Variants in CAPS observed in about 807,000 individuals in gnomAD.
CAPS encodes the protein calcyphosin.
Under a neutral mutation model 15.5 loss-of-function variants are expected in CAPS, and 16 were observed. The ratio of observed to expected loss-of-function variants is 1.03; its 90% confidence interval spans 0.70 to 1.57. CAPS has a LOEUF of 1.57. Among genes scored for constraint, CAPS ranks in the 40% most tolerant of loss-of-function variants. The pLI is 0.00. For missense variants in CAPS, 294 were observed against 278.4 expected, an observed-to-expected ratio of 1.06 and a Z score of -0.40; for synonymous variants, 121 against 116.0, an observed-to-expected ratio of 1.04 and a Z score of -0.28.
rs1334493626 is a variant in CAPS at position 5,915,977 on chromosome 19, G to A, written c.*655G>A. On this transcript the variant is annotated 3_prime_UTR_variant, in exon 5 of 5. Transcript: ENST00000588776. ...TGCAGCAGGGGTGGGGGTAAAGTGC[G>A]GGTGGTGGTGGAGAGAACAGGGCTG... is the stretch of plus-strand genomic sequence containing the variant. 5 of 152,806 alleles carry A rather than the reference G, an allele frequency of 3.3e-5. No individual in the cohort carries two copies. Among genetic ancestry groups the A allele is most frequent in the Admixed American group, 2.6e-4 (4 of 15,348 alleles). 9.5% of individuals were successfully genotyped at this position (152,806 alleles called of 1,614,324 possible).
rs1307183296 is a variant in CAPS, at chr19:5,915,039, G to T, written c.361G>T (p.Val121Leu). 2.5e-6 allele frequency: 4 copies of T among 1,612,728 alleles called. No homozygotes were observed. The highest frequency in any genetic ancestry group is 3.4e-6 in the Non-Finnish European group (4 of 1,179,922). ...GVVTVDDLRGVYSGRAHPKVR... is the reference protein window; with the variant it reads ...GVVTVDDLRGLYSGRAHPKVR... ...CGTGACGGTGGACGACCTCCGCGGG[G>T]TGTACAGTGGCCGTGCCCACCCCAA... is the stretch of plus-strand genomic sequence containing the variant. Residue 121 changes from valine to leucine, a missense_variant, in exon 4 of 5, where the codon GTG becomes TTG. Coordinates refer to ENST00000588776, the MANE Select transcript of CAPS (RefSeq NM_004058.5).
Position 5,915,151 on chromosome 19 carries a change from G to A in CAPS, c.468+5G>A, listed in dbSNP as rs1391817700. On this transcript the variant is annotated splice_donor_5th_base_variant and intron_variant, in intron 4 of 4. Transcript: ENST00000588776. Reference sequence around the variant, plus strand: ...TCCTCTGAGAAGGACGGGCAGGTGGGTGGCTGCGCGGGGGGCCCCCTCCCC... The same window carrying A: ...TCCTCTGAGAAGGACGGGCAGGTGGATGGCTGCGCGGGGGGCCCCCTCCCC... 1 of 1,612,692 alleles carries A rather than the reference G, an allele frequency of 6.2e-7. No individual in the cohort carries two copies. The highest frequency in any genetic ancestry group is 8.5e-7 in the Non-Finnish European group (1 of 1,179,618).
chr19:5,914,957 C>T lies in CAPS; in HGVS notation c.279C>T (p.Ala93=), dbSNP rs1568438304. Residue 93 remains alanine (A), a synonymous_variant, in exon 4 of 5, where the codon GCC becomes GCT. Coordinates refer to ENST00000588776, the MANE Select transcript of CAPS (RefSeq NM_004058.5). ...TGTCCCAGCCCCCCATGTCCCAGGC[C>T]CGGGAGGCTGTCATCGCAGCTGCAT... ...LRALRPPMSQ[A]REAVIAAAFA... The T allele has an allele frequency of 6.2e-7, 1 of 1,606,144 alleles. No homozygotes were observed. The highest frequency in any genetic ancestry group is 2.2e-5 in the East Asian group (1 of 44,864).
chr19:5,914,596 A>ATGAG lies in CAPS; in HGVS notation c.118_119insGAGT (p.Ser40Ter), dbSNP rs749684260. The ATGAG allele has an allele frequency of 3.7e-6, 6 of 1,612,480 alleles. No homozygotes were observed. Among genetic ancestry groups the ATGAG allele is most frequent in the Admixed American group, 1.7e-5 (1 of 59,936 alleles). ...GCCAACTAGACCGGGACGGGAGCAG[A>ATGAG]TCCCTGGACGCTGATGAGTTCCGGC... On this transcript the variant is annotated stop_gained and frameshift_variant, in exon 3 of 5. Transcript: ENST00000588776. LOFTEE classifies it high-confidence loss of function.
chr19:5,915,080 G>A lies in CAPS; in HGVS notation c.402G>A (p.Glu134=). ...GRAHPKVRSG[E]WTEDEVLRRF... is the part of the protein sequence containing the mutation. ...CCCACCCCAAGGTGCGCAGTGGGGAGTGGACCGAGGACGAGGTGCTGCGCC... is the reference window on the plus strand; with the variant it reads ...CCCACCCCAAGGTGCGCAGTGGGGAATGGACCGAGGACGAGGTGCTGCGCC... The change falls in exon 4 of 5, where the codon GAG becomes GAA. Residue 134 remains glutamate (E), a synonymous_variant. Transcript: ENST00000588776. 1.2e-6 allele frequency: 2 copies of A among 1,613,220 alleles called. No individual in the cohort carries two copies. Among genetic ancestry groups the A allele is most frequent in the Middle Eastern group, 1.6e-4 (1 of 6,062 alleles).
rs781381151 is a variant in CAPS, at chr19:5,914,484, G to GGCCA, written c.80_83dup (p.Arg28SerfsTer18). 1 of 1,610,908 alleles carries GGCCA rather than the reference G, an allele frequency of 6.2e-7. No individual in the cohort carries two copies. The highest frequency in any genetic ancestry group is 1.7e-5 in the Admixed American group (1 of 59,942). On this transcript the variant is annotated frameshift_variant, in exon 2 of 5. Coordinates refer to ENST00000588776, the MANE Select transcript of CAPS (RefSeq NM_004058.5). LOFTEE classifies it high-confidence loss of function. ...GCGGGGCCTCGGGCATCCAGGGCCT[G>GGCCA]GCCAGGTGAGCTGTCCCCTCTCACC...
Position 5,914,712 on chromosome 19 carries a change from A to G in CAPS, c.233A>G (p.Asp78Gly). 1 of 1,613,174 alleles carries G rather than the reference A, an allele frequency of 6.2e-7. No individual in the cohort carries two copies. Among genetic ancestry groups the G allele is most frequent in the Non-Finnish European group, 8.5e-7 (1 of 1,179,642 alleles). Residue 78 changes from aspartate to glycine, a missense_variant, in exon 3 of 5, where the codon GAT (aspartate) becomes GGT (glycine). Transcript: ENST00000588776. ...KWDRNGSGTL[D>G]LEEFLRALRP... ...GACCGCAATGGCAGCGGGACGCTGG[A>G]TCTGGAGGAGTTCCTTCGGGCGCTG...
rs779224461 is a variant in CAPS at position 5,914,687 on chromosome 19, G to C, written c.208G>C (p.Asp70His). Residue 70 changes from aspartate (D) to histidine (H), a missense_variant, in exon 3 of 5, where the codon GAC (aspartate) becomes CAC (histidine). Coordinates refer to ENST00000588776, the MANE Select transcript of CAPS (RefSeq NM_004058.5). ...GGCAGAGGGTGTGTGCAGGAAGTGG[G>C]ACCGCAATGGCAGCGGGACGCTGGA... is the stretch of plus-strand genomic sequence containing the variant. Reference protein sequence around the residue: ...AEAEGVCRKWDRNGSGTLDLE... With the variant: ...AEAEGVCRKWHRNGSGTLDLE... 3 of 1,613,964 alleles carry C rather than the reference G, an allele frequency of 1.9e-6. No individual in the cohort carries two copies. In the Admixed American group the frequency reaches 5.0e-5, roughly 27 times the overall value.
In CAPS at chr19:5,914,929, TCCTGTCCCAGCCCCC is replaced by T; in HGVS notation, c.262-9_267del. 6.3e-7 allele frequency: 1 copy of T among 1,598,618 alleles called. No homozygotes were observed. The highest frequency in any genetic ancestry group is 1.3e-5 in the African/African-American group (1 of 74,976). ...CTACCCACCACCCCCAGTCACCACC[TCCTGTCCCAGCCCCC>T]CATGTCCCAGGCCCGGGAGGCTGTC... On this transcript the variant is annotated splice_acceptor_variant and splice_polypyrimidine_tract_variant and coding_sequence_variant and intron_variant, in exon 4 of 5. Coordinates refer to ENST00000588776, the MANE Select transcript of CAPS (RefSeq NM_004058.5). LOFTEE classifies it high-confidence loss of function.
In CAPS at chr19:5,914,278, G is replaced by A. The variant is rs754746273; in HGVS notation, c.-54G>A. On this transcript the variant is annotated 5_prime_UTR_variant, in exon 1 of 5. Transcript: ENST00000588776. ...CACAACACAGCTAACACAAGGCCCC[G>A]CAGGCAGGACTCTGGGACAGACGCA... 1.5e-5 allele frequency: 23 copies of A among 1,574,760 alleles called. No individual in the cohort carries two copies. In the African/African-American group the frequency reaches 1.9e-4, roughly 13 times the overall value.
rs1568438120 is a variant in CAPS, at chr19:5,914,755, C to A, written c.261+15C>A. On this transcript the variant is annotated intron_variant, in intron 3 of 4. Coordinates refer to ENST00000588776, the MANE Select transcript of CAPS (RefSeq NM_004058.5). ...GGGCGCTGCGGGTGAGCCCCCACCT[C>A]ACAGTCAAGGCGTGTGCCCTGGGCA... The A allele has an allele frequency of 6.2e-7, 1 of 1,600,558 alleles. No individual in the cohort carries two copies. The highest frequency in any genetic ancestry group is 1.1e-5 in the South Asian group (1 of 88,910).
chr19:5,915,565 A>C lies in CAPS; in HGVS notation c.*243A>C. ...CCAGGGAGAAACGCTCTCCCCACCC[A>C]CGCCATGCTGACCAGAGATCTTGCA... On this transcript the variant is annotated 3_prime_UTR_variant, in exon 5 of 5. Transcript: ENST00000588776. 8.2e-6 allele frequency: 4 copies of C among 489,580 alleles called. No homozygotes were observed. Among genetic ancestry groups the C allele is most frequent in the South Asian group, 2.7e-5 (1 of 36,364 alleles). The allele number at this position is 489,580 out of a possible 1,614,324, so 30.3% of individuals were successfully genotyped here.
Position 5,915,160 on chromosome 19 carries a change from CG to C in CAPS, c.468+20del, listed in dbSNP as rs757257950. ...AAGGACGGGCAGGTGGGTGGCTGCG[CG>C]GGGGGCCCCCTCCCCAGGCAGTTCC... On this transcript the variant is annotated intron_variant, in intron 4 of 4. Coordinates refer to ENST00000588776, the MANE Select transcript of CAPS (RefSeq NM_004058.5). The C allele has an allele frequency of 9.3e-6, 15 of 1,611,966 alleles. No individual in the cohort carries two copies. In the East Asian group the frequency reaches 1.6e-4, roughly 17 times the overall value.
rs536424710 is a variant in CAPS at position 5,914,412 on chromosome 19, C to T, written c.6C>T (p.Asp2=). 6.8e-6 allele frequency: 11 copies of T among 1,613,158 alleles called. No homozygotes were observed. The highest frequency in any genetic ancestry group is 4.4e-5 in the South Asian group (4 of 91,064). The change falls in exon 2 of 5, where the codon GAC becomes GAT. Residue 2 remains aspartate, a synonymous_variant. Transcript: ENST00000588776. ...GCCCAGAGCCCAGACCAAGCATGGA[C>T]GCCGTGGATGCCACCATGGAGAAAC... M[D]AVDATMEKLR... is the part of the protein sequence containing the mutation.
chr19:5,915,365 A>G lies in CAPS; in HGVS notation c.*43A>G. 7.0e-7 allele frequency: 1 copy of G among 1,426,134 alleles called. No homozygotes were observed. The highest frequency in any genetic ancestry group is 9.6e-7 in the Non-Finnish European group (1 of 1,043,286). 88.3% of individuals were successfully genotyped at this position (1,426,134 alleles called of 1,614,324 possible). On this transcript the variant is annotated 3_prime_UTR_variant, in exon 5 of 5. Transcript: ENST00000588776. ...CTGCTGCCCTGGCCTGTCACTCCCC[A>G]CCCCTGCCGGAGACCTCCCTTCCCT...
Position 5,915,238 on chromosome 19 carries a change from C to A in CAPS, c.486C>A (p.Phe162Leu). 2 of 1,612,914 alleles carry A rather than the reference C, an allele frequency of 1.2e-6. No individual in the cohort carries two copies. Among genetic ancestry groups the A allele is most frequent in the Non-Finnish European group, 1.7e-6 (2 of 1,179,826 alleles). Residue 162 changes from phenylalanine to leucine, a missense_variant, in exon 5 of 5, where the codon TTC (phenylalanine) becomes TTA (leucine). Physicochemically the swap from Phe to Leu is conservative, Grantham distance 22 (BLOSUM62 0). Coordinates refer to ENST00000588776, the MANE Select transcript of CAPS (RefSeq NM_004058.5). The part of the protein sequence containing the change: ...EKDGQVTLAE[F>L]QDYYSGVSAS... ...GTTCCCAGGTCACACTGGCGGAATT[C>A]CAGGACTACTACAGCGGCGTGAGTG...
chr19:5,914,405 G>A lies in CAPS; in HGVS notation c.-2G>A, dbSNP rs772501039. On this transcript the variant is annotated 5_prime_UTR_variant, in exon 2 of 5. Coordinates refer to ENST00000588776, the MANE Select transcript of CAPS (RefSeq NM_004058.5). ...TCCAGCTGCCCAGAGCCCAGACCAA[G>A]CATGGACGCCGTGGATGCCACCATG... is the stretch of plus-strand genomic sequence containing the variant. 10 of 1,613,068 alleles carry A rather than the reference G, an allele frequency of 6.2e-6. No homozygotes were observed. The East Asian group carries it at 1.3e-4, about 22-fold the overall frequency.
At position 5,915,330 on chromosome 19, in the gene CAPS, C is replaced by T. The variant is rs543355411; in HGVS notation, c.*8C>T. 32 of 1,592,506 alleles carry T rather than the reference C, an allele frequency of 2.0e-5. No homozygotes were observed. Among genetic ancestry groups the T allele is most frequent in the Admixed American group, 1.5e-4 (9 of 59,184 alleles). On this transcript the variant is annotated 3_prime_UTR_variant, in exon 5 of 5. Transcript: ENST00000588776. ...AGTGCCTGGCAGCTGTGAGCAGCTC[C>T]GGCTCAGCCCTGCTGCCCTGGCCTG...
In CAPS at chr19:5,915,571, T is replaced by C. The variant is rs1369541032; in HGVS notation, c.*249T>C. ...AGAAACGCTCTCCCCACCCACGCCA[T>C]GCTGACCAGAGATCTTGCAGCCCCT... On this transcript the variant is annotated 3_prime_UTR_variant, in exon 5 of 5. Transcript: ENST00000588776. 4 of 489,684 alleles carry C rather than the reference T, an allele frequency of 8.2e-6. No homozygotes were observed. The highest frequency in any genetic ancestry group is 1.1e-5 in the Non-Finnish European group (3 of 271,748). The allele number at this position is 489,684 out of a possible 1,614,324, so 30.3% of individuals were successfully genotyped here.
Sources: allele counts gnomAD v4.1 joint callset, GRCh38; gene constraint gnomAD v4.1.1; transcripts MANE v1.5; gene names NCBI Gene and HGNC (gene_info 2026-07-23, HGNC 2026-07-21).